Variants in CDH7 observed in about 807,000 individuals in gnomAD.
CDH7 encodes cadherin 7.
Under a neutral mutation model 71.8 loss-of-function variants are expected in CDH7, and 25 were observed. That is an observed-to-expected ratio of 0.35 (90% CI 0.25 to 0.49). The LOEUF is 0.49. Among genes scored for constraint, CDH7 ranks in the 20% least tolerant of loss-of-function variants. The pLI is 0.99. For synonymous variants in CDH7, 381 were observed against 363.8 expected (o/e 1.05, Z -0.54); for missense variants, 862 against 974.6 (o/e 0.88, Z 1.54).
chr18:65,772,822 T>C (rs1295465402), intron 2 of CDH7, among the ~76,000 whole-genome samples: 3 of 152,240 alleles, frequency 2.0e-5, no homozygotes, highest in Non-Finnish European at 4.4e-5. Context: ...GGAAAATACA[T>C]ACGAGTGAGT....
chr18:65,768,415 A>G (rs1916442922), intron 2 of CDH7, among the ~76,000 whole-genome samples: 2 of 152,008 alleles, frequency 1.3e-5, no homozygotes. Flanking sequence ...TTGTATTTTT[A>G]GTAGAGACGA....
At chr18:65,811,187 TAAA>T (rs36078345) in intron 3 of CDH7, among the ~76,000 whole-genome samples, 10,681 of 147,130 alleles carry the variant, frequency 0.073, 592 homozygotes, top group African/African-American at 0.14. Flanking sequence ...TGTGATTTAT[TAAA>T]AAAAAAAAAA....
intron 2 of CDH7, among the ~76,000 whole-genome samples, chr18:65,766,828 G>T (rs1360234062): frequency 7.4e-6 from 1 of 134,864 alleles, no homozygotes; most frequent in African/African-American, 2.6e-5. Flanking sequence ...CATTTCTTCA[G>T]CCCAGTCTGT....
At chr18:65,795,046 A>G (rs1162232656) in intron 2 of CDH7, among the ~76,000 whole-genome samples, 4 of 152,174 alleles carry the variant, frequency 2.6e-5, no homozygotes, top group Admixed American at 2.6e-4. Context: ...GCAAATATGA[A>G]GTAAAGTAGT....
chr18:65,879,315 A>G (rs2628209), intron 11 of CDH7, among the ~76,000 whole-genome samples: 105,454 of 152,052 alleles, frequency 0.69, 37,224 homozygotes, highest in East Asian at 0.96. Flanking sequence ...ACAATAATGT[A>G]CCCTAAACGA....
intron 2 of CDH7, among the ~76,000 whole-genome samples, chr18:65,765,655 C>T (rs1004244054): frequency 1.2e-4 from 19 of 152,194 alleles, no homozygotes; most frequent in African/African-American, 4.3e-4. Context: ...TGGTCACATT[C>T]TTAGTCATCC....
intron 10 of CDH7, among the ~76,000 whole-genome samples, chr18:65,860,885 A>G (rs1038831067): frequency 3.3e-5 from 5 of 152,168 alleles, no homozygotes; most frequent in Non-Finnish European, 4.4e-5. Flanking sequence ...TTCCTACTCA[A>G]TGAGAATACT....
At chr18:65,792,553 G>A (rs1017142483) in intron 2 of CDH7, among the ~76,000 whole-genome samples, 1 of 151,326 alleles carries the variant, frequency 6.6e-6, no homozygotes, top group African/African-American at 2.5e-5. Context: ...TCCTTCTAAG[G>A]TAATATGTGT....
In CDH7 at chr18:65,755,100, A is replaced by G. The variant is rs146875120; in HGVS notation, c.-197+3950A>G. ...TAAAAATTTAAGTACAGCCAAATCT[A>G]CTTTGTTTCACTTTTAGGAAAGATG... On this transcript the variant is annotated intron_variant, in intron 1 of 11. Coordinates refer to ENST00000397968, the MANE Select transcript of CDH7 (RefSeq NM_004361.5). Among the ~76,000 whole-genome samples the G allele has an allele frequency of 5.7e-3, 867 of 152,332 alleles. 25 individuals are homozygous for G. Among genetic ancestry groups the G allele is most frequent in the Admixed American group, 0.05 (764 of 15,308 alleles).
chr18:65,875,611 G>A (rs1244395616), intron 11 of CDH7, among the ~76,000 whole-genome samples: 2 of 152,130 alleles, frequency 1.3e-5, no homozygotes, highest in Admixed American at 1.3e-4. Flanking sequence ...AAAAGGCCGG[G>A]CGTGGTGGCT....
rs1416373590 is a variant in CDH7, at chr18:65,884,475, A to G, written c.*3581A>G. 1.3e-5 allele frequency: 2 copies of G among 152,158 alleles called. No homozygotes were observed. The highest frequency in any genetic ancestry group is 3.9e-4 in the East Asian group (2 of 5,188). The allele number at this position is 152,158 out of a possible 1,614,324, so 9.4% of individuals were successfully genotyped here. ...ATGCAGGAGGTAGTAGTGGTTAAGT[A>G]ATGGTAGCTGCCTTTTCACTCTGCC... On this transcript the variant is annotated 3_prime_UTR_variant, in exon 12 of 12. Coordinates refer to ENST00000397968, the MANE Select transcript of CDH7 (RefSeq NM_004361.5).
At chr18:65,844,154 T>C in intron 7 of CDH7, 89 bp downstream of exon 7, 1 of 752,624 alleles carries the variant, frequency 1.3e-6, no homozygotes, top group Non-Finnish European at 2.0e-6. Context: ...TGTTCCTTTG[T>C]TCATAACAAA....
At chr18:65,787,071 A>G (rs1485983542) in intron 2 of CDH7, among the ~76,000 whole-genome samples, 1 of 152,170 alleles carries the variant, frequency 6.6e-6, no homozygotes, top group East Asian at 1.9e-4. Flanking sequence ...GTTTTCACCA[A>G]AACAGATTCA....
At chr18:65,789,475 G>GT (rs35493014) in intron 2 of CDH7, among the ~76,000 whole-genome samples, 15,066 of 146,924 alleles carry the variant, frequency 0.1, 1,484 homozygotes, top group African/African-American at 0.27. Context: ...TTTTTTGTTT[G>GT]TTTTTTTTTG....
intron 2 of CDH7, among the ~76,000 whole-genome samples, chr18:65,800,632 A>G (rs1346764131): frequency 2.0e-5 from 3 of 152,230 alleles, no homozygotes; most frequent in Non-Finnish European, 4.4e-5. Context: ...TCACAAAATA[A>G]TAAAGTGATT....
At chr18:65,860,638 A>C (rs1913531228) in intron 10 of CDH7, among the ~76,000 whole-genome samples, 1 of 152,266 alleles carries the variant, frequency 6.6e-6, no homozygotes, top group African/African-American at 2.4e-5. Context: ...ACCCCCCAAC[A>C]GCATGGAAAA....
intron 2 of CDH7, among the ~76,000 whole-genome samples, chr18:65,774,424 G>T (rs9954067): frequency 0.017 from 2,532 of 151,938 alleles, 65 homozygotes; most frequent in African/African-American, 0.058. Flanking sequence ...TCCATTATTT[G>T]CTTTTGCTTA....
At chr18:65,843,220 G>A (rs1042403456) in intron 6 of CDH7, among the ~76,000 whole-genome samples, 2 of 152,034 alleles carry the variant, frequency 1.3e-5, no homozygotes, top group African/African-American at 4.8e-5. Context: ...TCCTAAAATA[G>A]AGATCTAGTA....
At chr18:65,872,000 C>T (rs1206074102) in intron 11 of CDH7, among the ~76,000 whole-genome samples, 2 of 151,852 alleles carry the variant, frequency 1.3e-5, no homozygotes, top group Non-Finnish European at 1.5e-5. Flanking sequence ...GCCAAGAAAC[C>T]GAGTATGGAA....
Sources: gnomAD v4.1 joint callset for allele counts (sites outside exome capture counted in the v4.1 genomes callset) on GRCh38, gnomAD v4.1.1 for gene constraint, MANE v1.5 for transcripts, NCBI Gene and HGNC (gene_info 2026-07-23, HGNC 2026-07-21) for gene names.